The following LYN variants were observed in gnomAD, a reference collection of about 807,000 sequenced individuals.
LYN encodes tyrosine-protein kinase Lyn.
Under a neutral mutation model 65.0 loss-of-function variants are expected in LYN, and 12 were observed. The observed-to-expected ratio is 0.18, with a 90% CI of 0.12 to 0.30. LYN has a LOEUF of 0.30. Among genes scored for constraint, LYN ranks in the 10% least tolerant of loss-of-function variants. LYN has a pLI of 1.00. For missense variants in LYN, 380 were observed against 623.2 expected (o/e 0.61, Z 4.16); for synonymous variants, 222 against 221.2 (o/e 1.00, Z -0.03).
Position 55,969,719 on chromosome 8 carries a change from A to T in LYN, c.976A>T (p.Ser326Cys). 1 of 1,613,160 alleles carries T rather than the reference A, an allele frequency of 6.2e-7. No individual in the cohort carries two copies. Residue 326 changes from serine (S) to cysteine (C), a missense_variant and splice_region_variant, in exon 10 of 13, where the codon AGT becomes TGT. Physicochemically the swap from Ser to Cys is moderately radical, Grantham distance 112. Coordinates refer to ENST00000519728, the MANE Select transcript of LYN (RefSeq NM_002350.4). ...ACTTGTTCTTTCTTTCTCCATAGGC[A>T]GTTTGCTGGATTTCCTGAAGAGCGA... ...YIITEYMAKG[S>C]LLDFLKSDEG...
intron 10 of LYN, among the ~76,000 whole-genome samples, chr8:55,989,201 G>A (rs1473729120): frequency 1.3e-5 from 2 of 152,228 alleles, no homozygotes; most frequent in Non-Finnish European, 2.9e-5. Context: ...TGCTGGGGTT[G>A]ACAGACTTCT....
intron 1 of LYN, among the ~76,000 whole-genome samples, chr8:55,915,872 T>A (rs2130422071): frequency 6.6e-6 from 1 of 152,118 alleles, no homozygotes; most frequent in South Asian, 2.1e-4. Context: ...ACAAAGATGA[T>A]GATTTCTGAA....
At chr8:55,891,977 G>C (rs916785526) in intron 1 of LYN, among the ~76,000 whole-genome samples, 1 of 152,184 alleles carries the variant, frequency 6.6e-6, no homozygotes, top group African/African-American at 2.4e-5. Flanking sequence ...TGATAATGGA[G>C]AAATTTACAA....
chr8:55,887,852 C>T (rs921784292), intron 1 of LYN, among the ~76,000 whole-genome samples: 32 of 152,100 alleles, frequency 2.1e-4, no homozygotes, highest in African/African-American at 7.5e-4. Flanking sequence ...TCAAGTTATC[C>T]GGCTGCCTCA....
At chr8:55,945,584 A>T (rs1196784710) in intron 2 of LYN, among the ~76,000 whole-genome samples, 2 of 152,232 alleles carry the variant, frequency 1.3e-5, no homozygotes, top group East Asian at 3.8e-4. Context: ...AAGTTACATG[A>T]CTTGTGGTAT....
intron 1 of LYN, among the ~76,000 whole-genome samples, chr8:55,896,957 C>T (rs9643488): frequency 0.41 from 62,497 of 152,024 alleles, 13,814 homozygotes; most frequent in East Asian, 0.77. Context: ...CCAGGTTAAT[C>T]TCAAACTCCT....
chr8:55,905,199 TCAGGAGTTCAAGGC>T (rs1805385982), intron 1 of LYN, among the ~76,000 whole-genome samples: 2 of 152,032 alleles, frequency 1.3e-5, no homozygotes, highest in African/African-American at 4.8e-5. Flanking sequence ...TCACCTGAGG[TCAGGAGTTCAAGGC>T]CAGCCTGGCC....
At chr8:55,996,966 C>A (rs535106755) in intron 10 of LYN, among the ~76,000 whole-genome samples, 4 of 151,880 alleles carry the variant, frequency 2.6e-5, no homozygotes, top group Non-Finnish European at 4.4e-5. Flanking sequence ...ACTAAAAATA[C>A]AAAAACTAGC....
intron 1 of LYN, among the ~76,000 whole-genome samples, chr8:55,881,972 G>T (rs898196640): frequency 1.4e-4 from 22 of 152,220 alleles, no homozygotes; most frequent in African/African-American, 5.3e-4. Context: ...GGGAGATGAA[G>T]AAATAGAGCT....
At chr8:55,983,196 G>T (rs1293010424) in intron 10 of LYN, among the ~76,000 whole-genome samples, 1 of 151,996 alleles carries the variant, frequency 6.6e-6, no homozygotes, top group Non-Finnish European at 1.5e-5. Flanking sequence ...CTCACTGCCT[G>T]CTAGAAACAA....
intron 1 of LYN, among the ~76,000 whole-genome samples, chr8:55,914,284 A>G (rs1314751735): frequency 6.6e-6 from 1 of 151,900 alleles, no homozygotes; most frequent in African/African-American, 2.4e-5. Flanking sequence ...ATCTAAGGGG[A>G]AGGGGGACAC....
chr8:56,001,294 C>G (rs899345822), intron 12 of LYN, among the ~76,000 whole-genome samples: 2 of 152,136 alleles, frequency 1.3e-5, no homozygotes, highest in African/African-American at 4.8e-5. Flanking sequence ...GATCTCTAGA[C>G]AGTCGATGGA....
intron 1 of LYN, among the ~76,000 whole-genome samples, chr8:55,921,288 C>T (rs1805940403): frequency 6.6e-6 from 1 of 152,114 alleles, no homozygotes; most frequent in Non-Finnish European, 1.5e-5. Flanking sequence ...ACTTGGTAAC[C>T]AGGTGGCCCA....
chr8:55,909,973 T>A (rs1475993914), intron 1 of LYN, among the ~76,000 whole-genome samples: 7 of 145,864 alleles, frequency 4.8e-5, no homozygotes, highest in Admixed American at 3.4e-4. Context: ...ATGGGGTTGT[T>A]TGTGTGTGTG....
chr8:55,934,976 C>G (rs1585614719), intron 1 of LYN, among the ~76,000 whole-genome samples: 1 of 152,172 alleles, frequency 6.6e-6, no homozygotes, highest in Non-Finnish European at 1.5e-5. Flanking sequence ...GGAGCTGACA[C>G]CTAACCATCG....
intron 1 of LYN, among the ~76,000 whole-genome samples, chr8:55,932,239 G>A (rs528743686): frequency 6.6e-6 from 1 of 152,236 alleles, no homozygotes; most frequent in East Asian, 1.9e-4. Flanking sequence ...AATGTAAGGA[G>A]AGGTAAAGCA....
rs1214659606 is a variant in LYN at position 56,013,264 on chromosome 8, C to G, written c.*3154C>G. 7.3e-6 allele frequency: 1 copy of G among 137,890 alleles called. No homozygotes were observed. Among genetic ancestry groups the G allele is most frequent in the Non-Finnish European group, 1.6e-5 (1 of 62,422 alleles). The allele number at this position is 137,890 out of a possible 1,614,324, so 8.5% of individuals were successfully genotyped here. On this transcript the variant is annotated 3_prime_UTR_variant, in exon 13 of 13. Coordinates refer to ENST00000519728, the MANE Select transcript of LYN (RefSeq NM_002350.4). ...TCAGCTTGTGGAGTCTGCTTTCTCG[C>G]TCTCTCTTTTTTTTTTTTTTTTGAC... is the stretch of plus-strand genomic sequence containing the variant.
At chr8:55,895,170 C>T (rs1805060098) in intron 1 of LYN, among the ~76,000 whole-genome samples, 1 of 152,140 alleles carries the variant, frequency 6.6e-6, no homozygotes, top group South Asian at 2.1e-4. Flanking sequence ...CTTGGCATCT[C>T]TGCGTTTTAA....
At chr8:56,007,951 T>C (rs1322738849) in intron 12 of LYN, among the ~76,000 whole-genome samples, 1 of 151,854 alleles carries the variant, frequency 6.6e-6, no homozygotes, top group Non-Finnish European at 1.5e-5. Flanking sequence ...AAACCCCGTC[T>C]CTACTAAAAA....
Sources: allele counts gnomAD v4.1 joint callset (sites outside exome capture counted in the v4.1 genomes callset), GRCh38; gene constraint gnomAD v4.1.1; transcripts MANE v1.5; gene names NCBI Gene and HGNC (gene_info 2026-07-23, HGNC 2026-07-21).